Variants in FRMD4A observed in about 807,000 individuals in gnomAD.
The protein encoded by FRMD4A is FERM domain-containing protein 4A.
A neutral mutation model predicts 129.1 loss-of-function variants in FRMD4A; 29 were observed. That is an observed-to-expected ratio of 0.22 (90% CI 0.17 to 0.31). The LOEUF (loss-of-function observed/expected upper bound fraction) is 0.31, where lower values mean the gene tolerates loss of function less well. Ranked by LOEUF, FRMD4A falls within the 10% of genes least tolerant of loss-of-function variation. FRMD4A has a pLI of 1.00. For synonymous variants in FRMD4A, 634 were observed against 571.6 expected (o/e 1.11, Z -1.56); for missense variants, 1,272 against 1,375.8 (o/e 0.92, Z 1.19).
intron 21 of FRMD4A, among the ~76,000 whole-genome samples, chr10:13,658,551 C>T (rs1388758168): frequency 1.3e-5 from 2 of 152,202 alleles, no homozygotes; most frequent in South Asian, 4.1e-4. Context: ...GCCCCCATCA[C>T]GTGGCCCTCC....
intron 15 of FRMD4A, among the ~76,000 whole-genome samples, chr10:13,681,318 A>G (rs534165666): frequency 1.3e-5 from 2 of 152,290 alleles, no homozygotes; most frequent in East Asian, 3.9e-4. Flanking sequence ...ACCGAAGCAA[A>G]TATTTGTAAA....
chr10:14,211,022 C>A (rs1286624958), intron 2 of FRMD4A, among the ~76,000 whole-genome samples: 1 of 152,088 alleles, frequency 6.6e-6, no homozygotes, highest in African/African-American at 2.4e-5. Flanking sequence ...CCACCGTGCT[C>A]AGCCAGATAT....
intron 2 of FRMD4A, among the ~76,000 whole-genome samples, chr10:14,256,542 T>A (rs1161222805): frequency 6.6e-6 from 1 of 152,242 alleles, no homozygotes; most frequent in Non-Finnish European, 1.5e-5. Context: ...AAGAGTGTAG[T>A]GTTGCTACAA....
intron 2 of FRMD4A, among the ~76,000 whole-genome samples, chr10:14,260,534 G>A (rs1001487059): frequency 6.6e-6 from 1 of 152,162 alleles, no homozygotes; most frequent in African/African-American, 2.4e-5. Context: ...AGTAAAGAGT[G>A]TTTCCTTTCA....
intron 15 of FRMD4A, among the ~76,000 whole-genome samples, chr10:13,679,380 T>C (rs943232273): frequency 7.9e-6 from 1 of 126,364 alleles, no homozygotes; most frequent in Admixed American, 9.7e-5. Flanking sequence ...TGAGCCGAGA[T>C]TGGTCCACTG....
chr10:14,134,306 T>C (rs1042659936), intron 2 of FRMD4A, among the ~76,000 whole-genome samples: 5 of 150,276 alleles, frequency 3.3e-5, no homozygotes, highest in African/African-American at 1.2e-4. Flanking sequence ...AATGGGTGAA[T>C]GGGTGAATGG....
At chr10:14,092,182 C>T (rs1299424020) in intron 2 of FRMD4A, among the ~76,000 whole-genome samples, 1 of 118,364 alleles carries the variant, frequency 8.4e-6, no homozygotes, top group Non-Finnish European at 1.7e-5. Context: ...CTTAGGTCTG[C>T]TCCCATACTG....
intron 2 of FRMD4A, among the ~76,000 whole-genome samples, chr10:13,950,871 C>A (rs2095366085): frequency 6.6e-6 from 1 of 152,168 alleles, no homozygotes; most frequent in African/African-American, 2.4e-5. Flanking sequence ...TTCTCTCTTG[C>A]CATGGAGAAT....
chr10:13,746,730 T>C (rs1206913207), intron 9 of FRMD4A, among the ~76,000 whole-genome samples: 1 of 152,228 alleles, frequency 6.6e-6, no homozygotes, highest in Non-Finnish European at 1.5e-5. Context: ...GTTGCAATGA[T>C]TTCTGTTAGG....
At chr10:13,994,001 G>T (rs1370006054) in intron 2 of FRMD4A, among the ~76,000 whole-genome samples, 1 of 149,116 alleles carries the variant, frequency 6.7e-6, no homozygotes, top group Non-Finnish European at 1.5e-5. Flanking sequence ...AGATATTTAG[G>T]GTGGGACAGT....
chr10:14,013,729 C>A (rs1588771183), intron 2 of FRMD4A, among the ~76,000 whole-genome samples: 1 of 152,050 alleles, frequency 6.6e-6, no homozygotes, highest in African/African-American at 2.4e-5. Context: ...GTCGGGAGTT[C>A]AAGACGAGCC....
rs562805159 is a variant in FRMD4A, at chr10:13,805,678, A to G, written c.206+5136T>C. Among the ~76,000 whole-genome samples, 50 of 152,018 alleles carry G rather than the reference A, an allele frequency of 3.3e-4. No individual in the cohort carries two copies. The South Asian group carries it at 0.01, about 30-fold the overall frequency. On this transcript the variant is annotated intron_variant, in intron 4 of 24. Coordinates refer to ENST00000357447, the MANE Select transcript of FRMD4A (RefSeq NM_018027.5). ...CACCCCACCCCCTGGCTCACAAGCT[A>G]CTTCTTGATTTTAATTAGTTTTGTT...
chr10:14,110,125 T>TTAAAAAAAAAAAAAAAAAAAAA lies in FRMD4A; in HGVS notation c.45+219932_45+219933insTTTTTTTTTTTTTTTTTTTTTA, dbSNP rs372420987. On this transcript the variant is annotated intron_variant, in intron 2 of 24. Transcript: ENST00000357447. The stretch of plus-strand genomic sequence containing the variant: ...GGCTGGGCAACAAAGCGAGATGCTG[T>TTAAAAAAAAAAAAAAAAAAAAA]AAAAAAAAAAAAAAAAAAAAAAGCT... Among the ~76,000 whole-genome samples, 29 of 89,552 alleles carry TTAAAAAAAAAAAAAAAAAAAAA rather than the reference T, an allele frequency of 3.2e-4. 8 individuals carry two copies. The highest frequency in any genetic ancestry group is 1.2e-3 in the African/African-American group (25 of 21,522). 58.7% of individuals were successfully genotyped at this position (89,552 alleles called of 152,430 possible).
intron 2 of FRMD4A, among the ~76,000 whole-genome samples, chr10:13,925,556 T>C (rs1189883920): frequency 1.4e-5 from 2 of 140,634 alleles, no homozygotes; most frequent in East Asian, 4.7e-4. Context: ...GTTTCTATTG[T>C]AGTGAAACGC....
chr10:14,139,998 T>A (rs989240228), intron 2 of FRMD4A, among the ~76,000 whole-genome samples: 1 of 152,166 alleles, frequency 6.6e-6, no homozygotes, highest in African/African-American at 2.4e-5. Flanking sequence ...CACGTAAATT[T>A]TGAAGGCTAC....
At chr10:13,779,003 ACATT>A (rs2092672314) in intron 6 of FRMD4A, among the ~76,000 whole-genome samples, 1 of 74,212 alleles carries the variant, frequency 1.3e-5, no homozygotes, top group Admixed American at 1.8e-4. Context: ...TCTGGGCTTT[ACATT>A]TATTTATTTA....
intron 3 of FRMD4A, among the ~76,000 whole-genome samples, chr10:13,853,533 C>A (rs2094168436): frequency 1.3e-5 from 2 of 151,848 alleles, no homozygotes; most frequent in Non-Finnish European, 2.9e-5. Flanking sequence ...CGAGACCCTG[C>A]CTGAAAAAAA....
chr10:13,720,148 A>G (rs1484256293), intron 12 of FRMD4A, among the ~76,000 whole-genome samples: 1 of 152,134 alleles, frequency 6.6e-6, no homozygotes, highest in Non-Finnish European at 1.5e-5. Context: ...TCCTGGGTTT[A>G]AGCAATTCTC....
At chr10:14,094,592 G>A (rs550575559) in intron 2 of FRMD4A, among the ~76,000 whole-genome samples, 3 of 152,060 alleles carry the variant, frequency 2.0e-5, no homozygotes, top group African/African-American at 7.2e-5. Flanking sequence ...GCATGGTACT[G>A]ATTCAGTGAG....
Sources: gnomAD v4.1 joint callset for allele counts (sites outside exome capture counted in the v4.1 genomes callset) on GRCh38, gnomAD v4.1.1 for gene constraint, MANE v1.5 for transcripts, NCBI Gene and HGNC (gene_info 2026-07-23, HGNC 2026-07-21) for gene names.